IKZF1: variants seen among roughly 807,000 people sequenced by gnomAD.
IKZF1 encodes the protein DNA-binding protein Ikaros.
A neutral mutation model predicts 51.7 loss-of-function variants in IKZF1; 10 were observed. The ratio of observed to expected loss-of-function variants is 0.19; its 90% confidence interval spans 0.12 to 0.33. The LOEUF is 0.33. Ranked by LOEUF, IKZF1 falls within the 10% of genes least tolerant of loss-of-function variation. IKZF1 has a pLI of 1.00. For missense variants in IKZF1, 484 were observed against 707.5 expected (o/e 0.68, Z 3.58); for synonymous variants, 280 against 282.3 (o/e 0.99, Z 0.08).
At chr7:50,361,381 A>G (rs1013595746) in intron 3 of IKZF1, among the ~76,000 whole-genome samples, 1 of 152,218 alleles carries the variant, frequency 6.6e-6, no homozygotes, top group Non-Finnish European at 1.5e-5. Context: ...TCTTCCAAAA[A>G]AGAGTAAGCA....
In IKZF1 at chr7:50,400,164, A is replaced by T; in HGVS notation, c.1097A>T (p.Gln366Leu). ...EGTPRSNHSA[Q>L]DSAVENLLLL... ...ACCCCGCGCTCCAACCACTCGGCCC[A>T]GGACAGCGCCGTGGAGAACCTGCTG... Residue 366 changes from glutamine to leucine, a missense_variant, in exon 8 of 8, where the codon CAG (glutamine) becomes CTG (leucine). Physicochemically the swap from Gln to Leu is moderately radical, Grantham distance 113. Coordinates refer to ENST00000331340, the MANE Select transcript of IKZF1 (RefSeq NM_006060.6). This position sits in a 1 kb window ranked among gnomAD's most constrained non-coding sequence, Gnocchi z 5.4. 6.4e-7 allele frequency: 1 copy of T among 1,563,710 alleles called. No homozygotes were observed. Among genetic ancestry groups the T allele is most frequent in the Non-Finnish European group, 8.7e-7 (1 of 1,155,638 alleles).
intron 3 of IKZF1, among the ~76,000 whole-genome samples, chr7:50,359,205 G>A (rs1488377173): frequency 2.6e-5 from 4 of 152,278 alleles, no homozygotes; most frequent in African/African-American, 9.6e-5. Context: ...AGACTGCAGT[G>A]AGCTGTGATC....
At chr7:50,306,313 AC>A (rs1307557135) in intron 1 of IKZF1, among the ~76,000 whole-genome samples, 6 of 152,212 alleles carry the variant, frequency 3.9e-5, no homozygotes, top group African/African-American at 1.4e-4. Context: ...ATGAAAAAAA[AC>A]GTGACTCTTA....
rs1453481404 is a variant in IKZF1, at chr7:50,382,555, A to G, written c.437A>G (p.Gln146Arg). 6.2e-7 allele frequency: 1 copy of G among 1,613,400 alleles called. No homozygotes were observed. Among genetic ancestry groups the G allele is most frequent in the South Asian group, 1.1e-5 (1 of 90,992 alleles). ...TCCGTCCCAGGAGAACGGCCCTTCC[A>G]GTGCAATCAGTGCGGGGCCTCATTC... is the stretch of plus-strand genomic sequence containing the variant. ...KRSHTGERPF[Q>R]CNQCGASFTQ... is the part of the protein sequence containing the mutation. The change falls in exon 5 of 8, where the codon CAG becomes CGG. Residue 146 changes from glutamine (Q) to arginine (R), a missense_variant. Coordinates refer to ENST00000331340, the MANE Select transcript of IKZF1 (RefSeq NM_006060.6).
At chr7:50,384,493 G>A (rs1812803506) in intron 5 of IKZF1, among the ~76,000 whole-genome samples, 1 of 152,266 alleles carries the variant, frequency 6.6e-6, no homozygotes, top group African/African-American at 2.4e-5. Context: ...AGATCAGCAG[G>A]GGGGCCATGG....
chr7:50,309,869 T>C (rs754114354), intron 1 of IKZF1, among the ~76,000 whole-genome samples: 7 of 152,210 alleles, frequency 4.6e-5, no homozygotes, highest in Non-Finnish European at 1.0e-4. Context: ...ATTGACCTTT[T>C]GTAAGCTTAC....
chr7:50,333,132 C>A (rs1209850563), intron 3 of IKZF1, among the ~76,000 whole-genome samples: 1 of 151,708 alleles, frequency 6.6e-6, no homozygotes, highest in Non-Finnish European at 1.5e-5. Context: ...CCTCTGGACT[C>A]CAGAACAAAT....
At chr7:50,379,782 A>G (rs1811336402) in intron 4 of IKZF1, among the ~76,000 whole-genome samples, 3 of 152,184 alleles carry the variant, frequency 2.0e-5, no homozygotes. Flanking sequence ...TGCAGTTCAA[A>G]CACATTTTTT....
intron 7 of IKZF1, among the ~76,000 whole-genome samples, chr7:50,394,736 C>G (rs1816209132): frequency 6.6e-6 from 1 of 152,260 alleles, no homozygotes; most frequent in East Asian, 1.9e-4. Context: ...TGTTCTATAA[C>G]CTATGATTAA....
rs1382690023 is a variant in IKZF1, at chr7:50,400,084, G to A, written c.1017G>A (p.Glu339=). The stretch of plus-strand genomic sequence containing the variant: ...TGCAGACGCCCCCGGGCGGTTCCGA[G>A]GTGGTCCCGGTCATCAGCCCGATGT... ...PLVQTPPGGS[E]VVPVISPMYQ... Residue 339 remains glutamate (E), a synonymous_variant, in exon 8 of 8, where the codon GAG becomes GAA. Coordinates refer to ENST00000331340, the MANE Select transcript of IKZF1 (RefSeq NM_006060.6). The surrounding 1 kb of genome is among the most constrained non-coding windows in gnomAD (Gnocchi z 5.4). The A allele has an allele frequency of 2.5e-6, 4 of 1,576,634 alleles. No homozygotes were observed. The highest frequency in any genetic ancestry group is 2.4e-5 in the East Asian group (1 of 42,200).
At chr7:50,327,351 A>G in intron 2 of IKZF1, 1 of 239,764 alleles carries the variant, frequency 4.2e-6, no homozygotes, top group Non-Finnish European at 7.9e-6. Context: ...AAATAATGTC[A>G]CCTCATATTA....
intron 3 of IKZF1, among the ~76,000 whole-genome samples, chr7:50,353,872 G>C (rs1397964533): frequency 2.6e-5 from 4 of 152,218 alleles, no homozygotes; most frequent in African/African-American, 9.6e-5. Context: ...TGTTGTCCCG[G>C]GTCCCCCTGC....
intron 4 of IKZF1, among the ~76,000 whole-genome samples, chr7:50,377,998 A>T (rs1394318609): frequency 3.3e-5 from 5 of 152,248 alleles, no homozygotes; most frequent in African/African-American, 1.2e-4. Flanking sequence ...GATGACGATG[A>T]CTTGAAATCA....
At chr7:50,396,744 TG>T (rs1816808743) in intron 7 of IKZF1, among the ~76,000 whole-genome samples, 2 of 152,338 alleles carry the variant, frequency 1.3e-5, no homozygotes, top group East Asian at 3.9e-4. Flanking sequence ...ATGCCAAAGA[TG>T]GGGTTGGAGG....
rs1361500530 is a variant in IKZF1 at position 50,400,352 on chromosome 7, A to G, written c.1285A>G (p.Lys429Glu). ...APHARNGLSL[K>E]EEHRAYDLLR... ...GCACGCGCGCAACGGGCTGTCGCTC[A>G]AGGAGGAGCACCGCGCCTACGACCT... Residue 429 changes from lysine (K) to glutamate (E), a missense_variant, in exon 8 of 8, where the codon AAG becomes GAG. Transcript: ENST00000331340. The surrounding 1 kb of genome is among the most constrained non-coding windows in gnomAD (Gnocchi z 5.4). 3 of 1,612,746 alleles carry G rather than the reference A, an allele frequency of 1.9e-6. No individual in the cohort carries two copies. The highest frequency in any genetic ancestry group is 1.3e-5 in the African/African-American group (1 of 74,848).
At position 50,380,097 on chromosome 7, in the gene IKZF1, C is replaced by T. The variant is rs1212661273; in HGVS notation, c.422-2443C>T. 2.6e-5 allele frequency among the ~76,000 whole-genome samples: 4 copies of T among 152,176 alleles called. No homozygotes were observed. The East Asian group carries it at 5.8e-4, about 22-fold the overall frequency. Reference sequence around the variant, plus strand: ...GCAAGAACACACATGGCGTGGGCTGCGTTCTTGTGCCCCAGCTCCATGGAC... The same window carrying T: ...GCAAGAACACACATGGCGTGGGCTGTGTTCTTGTGCCCCAGCTCCATGGAC... On this transcript the variant is annotated intron_variant, in intron 4 of 7. Transcript: ENST00000331340.
Position 50,391,874 on chromosome 7 carries a change from A to C in IKZF1, c.850+11A>C. ...CTCAGAAATTTCTTGGTAAGAGTTA[A>C]ATGTTTGCTGTCTCTTAAAAAAAAA... On this transcript the variant is annotated intron_variant, in intron 7 of 7. Coordinates refer to ENST00000331340, the MANE Select transcript of IKZF1 (RefSeq NM_006060.6). 3.7e-6 allele frequency: 6 copies of C among 1,607,812 alleles called. No homozygotes were observed. The highest frequency in any genetic ancestry group is 5.1e-6 in the Non-Finnish European group (6 of 1,176,334).
intron 3 of IKZF1, among the ~76,000 whole-genome samples, chr7:50,359,658 G>A (rs890667135): frequency 4.6e-5 from 7 of 152,348 alleles, no homozygotes; most frequent in East Asian, 1.9e-4. Flanking sequence ...ATGTACACAC[G>A]TGCACACGTG....
chr7:50,397,082 T>C (rs1816909297), intron 7 of IKZF1, among the ~76,000 whole-genome samples: 1 of 152,248 alleles, frequency 6.6e-6, no homozygotes, highest in Admixed American at 6.5e-5. Context: ...TATGAGGCTA[T>C]GAGGGAAAAT....
Sources: allele counts gnomAD v4.1 joint callset (sites outside exome capture counted in the v4.1 genomes callset), GRCh38; gene constraint gnomAD v4.1.1; non-coding constraint Gnocchi (gnomAD v3.1); transcripts MANE v1.5; gene names NCBI Gene and HGNC (gene_info 2026-07-23, HGNC 2026-07-21).